The following MYRIP variants were observed in gnomAD, a reference collection of about 807,000 sequenced individuals.
The protein encoded by MYRIP is rab effector MyRIP.
A neutral mutation model predicts 98.0 loss-of-function variants in MYRIP; 49 were observed. The ratio of observed to expected loss-of-function variants is 0.50; its 90% CI spans 0.40 to 0.63. The LOEUF is 0.63. Ranked by LOEUF, MYRIP falls within the 30% of genes least tolerant of loss-of-function variation. MYRIP has a pLI of 0.00. For synonymous variants in MYRIP, 404 were observed against 409.5 expected (o/e 0.99, Z 0.16); for missense variants, 1,004 against 1,058.2 (o/e 0.95, Z 0.71).
chr3:39,856,075 A>C (rs1287792896), intron 1 of MYRIP, among the ~76,000 whole-genome samples: 1 of 152,168 alleles, frequency 6.6e-6, no homozygotes, highest in Non-Finnish European at 1.5e-5. Context: ...AGGTAAGGTT[A>C]AATCCTTCTT....
At chr3:39,985,595 G>T (rs1312414118) in intron 2 of MYRIP, among the ~76,000 whole-genome samples, 3 of 138,332 alleles carry the variant, frequency 2.2e-5, no homozygotes, top group Admixed American at 7.2e-5. Context: ...GCATGGTACT[G>T]GTACCAAAAC....
At chr3:39,915,923 G>A (rs1034967727) in intron 2 of MYRIP, among the ~76,000 whole-genome samples, 2 of 151,832 alleles carry the variant, frequency 1.3e-5, no homozygotes, top group Non-Finnish European at 2.9e-5. Context: ...TAATTCTTAT[G>A]TTTTAATGCT....
chr3:40,125,916 T>A (rs572035229), intron 3 of MYRIP, among the ~76,000 whole-genome samples: 169 of 152,296 alleles, frequency 1.1e-3, no homozygotes, highest in African/African-American at 4.0e-3. Flanking sequence ...CCCAGTGACA[T>A]ACTCAGGGGT....
At chr3:39,923,009 C>T (rs1032136687) in intron 2 of MYRIP, among the ~76,000 whole-genome samples, 17 of 151,870 alleles carry the variant, frequency 1.1e-4, no homozygotes, top group East Asian at 5.8e-4. Context: ...ACAAAGTCTC[C>T]GCGAGGAAAT....
chr3:40,192,243 C>T (rs1187711375), intron 10 of MYRIP, among the ~76,000 whole-genome samples: 1 of 136,934 alleles, frequency 7.3e-6, no homozygotes, highest in African/African-American at 2.8e-5. Flanking sequence ...GCATGAGCCA[C>T]TGCAACAGGC....
At chr3:39,838,227 C>T (rs146100088) in intron 1 of MYRIP, among the ~76,000 whole-genome samples, 3,444 of 150,818 alleles carry the variant, frequency 0.023, 247 homozygotes, top group East Asian at 0.18. Flanking sequence ...TTGCCCTGGC[C>T]GGAACTTCCA....
chr3:39,993,545 T>C (rs1946232324), intron 2 of MYRIP, among the ~76,000 whole-genome samples: 1 of 152,198 alleles, frequency 6.6e-6, no homozygotes. Context: ...AATTTTTGAC[T>C]ACAAGAGTCA....
intron 2 of MYRIP, among the ~76,000 whole-genome samples, chr3:39,976,371 C>T (rs563962421): frequency 1.4e-4 from 22 of 152,138 alleles, no homozygotes; most frequent in African/African-American, 2.9e-4. Context: ...GTTAGAATGG[C>T]GATCATTAAA....
At chr3:39,975,095 G>A in intron 2 of MYRIP, among the ~76,000 whole-genome samples, 1 of 152,170 alleles carries the variant, frequency 6.6e-6, no homozygotes, top group South Asian at 2.1e-4. Flanking sequence ...GGAAAAAGAG[G>A]AAGTCAAATT....
intron 1 of MYRIP, among the ~76,000 whole-genome samples, chr3:39,831,942 C>T (rs1443389564): frequency 6.6e-6 from 1 of 152,150 alleles, no homozygotes; most frequent in Admixed American, 6.5e-5. Flanking sequence ...ATTAAATATT[C>T]ACAACCAAGT....
intron 16 of MYRIP, 131 bp from the exon 17 acceptor site, chr3:40,258,003 T>C (rs1953653972): frequency 2.1e-6 from 2 of 947,656 alleles, no homozygotes; most frequent in African/African-American, 3.2e-5. Flanking sequence ...TTTCTAAATG[T>C]TGTGAAACAT....
At chr3:40,090,951 CAT>C (rs893608711) in intron 3 of MYRIP, among the ~76,000 whole-genome samples, 5 of 152,168 alleles carry the variant, frequency 3.3e-5, no homozygotes, top group African/African-American at 1.2e-4. Context: ...TTCTTTCAGT[CAT>C]GGTTTCTTGG....
chr3:40,021,609 A>G (rs879755171), intron 2 of MYRIP, among the ~76,000 whole-genome samples: 2 of 152,222 alleles, frequency 1.3e-5, no homozygotes, highest in Non-Finnish European at 2.9e-5. Context: ...TTTTTTGCTC[A>G]AGGTCAAATC....
chr3:40,222,655 A>C (rs1416714345), intron 11 of MYRIP, among the ~76,000 whole-genome samples: 2 of 149,912 alleles, frequency 1.3e-5, no homozygotes, highest in Admixed American at 6.7e-5. Flanking sequence ...CATTGTAGAG[A>C]GGGTTTAAAA....
rs369594921 is a variant in MYRIP at position 40,202,906 on chromosome 3, C to CTTACTTACTTACTTATTTAT, written c.1666-6945_1666-6944insCTTACTTACTTATTTATTTA. 4.2e-5 allele frequency among the ~76,000 whole-genome samples: 6 copies of CTTACTTACTTACTTATTTAT among 142,428 alleles called. No individual in the cohort carries two copies. In the East Asian group the frequency reaches 6.3e-4, roughly 15 times the overall value. The allele number at this position is 142,428 out of a possible 152,430, so 93.4% of individuals were successfully genotyped here. On this transcript the variant is annotated intron_variant, in intron 10 of 16. Transcript: ENST00000302541. ...ATCCCCATCACCTCACCTCCATTTA[C>CTTACTTACTTACTTATTTAT]TTATTTATTTATTTATTTATTTATT...
chr3:39,888,999 T>G (rs1361685893), intron 1 of MYRIP, among the ~76,000 whole-genome samples: 40 of 151,660 alleles, frequency 2.6e-4, no homozygotes, highest in Non-Finnish European at 4.1e-4. Context: ...ACACCAGTTA[T>G]AATGGCGATC....
intron 3 of MYRIP, among the ~76,000 whole-genome samples, chr3:40,083,939 C>A (rs945074880): frequency 2.0e-5 from 3 of 151,804 alleles, no homozygotes; most frequent in African/African-American, 7.3e-5. Flanking sequence ...AGATCAAGAC[C>A]ATCCTGGCTA....
chr3:40,254,763 C>G (rs1462233550), intron 16 of MYRIP, among the ~76,000 whole-genome samples: 1 of 152,038 alleles, frequency 6.6e-6, no homozygotes, highest in Non-Finnish European at 1.5e-5. Context: ...TTTCACAAAA[C>G]CAACATACAT....
At chr3:39,912,031 A>G (rs28605013) in intron 2 of MYRIP, among the ~76,000 whole-genome samples, 13,968 of 146,454 alleles carry the variant, frequency 0.095, 1,637 homozygotes, top group African/African-American at 0.27. Context: ...TAGCCCAAAG[A>G]CTTTTTTGGC....
Sources: allele counts gnomAD v4.1 joint callset (sites outside exome capture counted in the v4.1 genomes callset), GRCh38; gene constraint gnomAD v4.1.1; transcripts MANE v1.5; gene names NCBI Gene and HGNC (gene_info 2026-07-23, HGNC 2026-07-21).